NMRK1: variants seen among roughly 807,000 people sequenced by gnomAD.
NMRK1 encodes nicotinamide riboside kinase 1, also known as NRK 1.
NMRK1 carries 28 observed loss-of-function variants against 29.9 expected under a neutral mutation model. That is an observed-to-expected ratio of 0.94 (90% CI 0.69 to 1.28). NMRK1 has a LOEUF of 1.28. NMRK1 is among the 50% of genes most tolerant of loss of function. The pLI, the probability that NMRK1 is intolerant of heterozygous loss-of-function variation, is 0.00. For synonymous variants in NMRK1, 58 were observed against 73.0 expected, an observed-to-expected ratio of 0.79 and a Z score of 1.05; for missense variants, 218 against 233.1, an observed-to-expected ratio of 0.94 and a Z score of 0.42.
At chr9:75,069,169 G>C (rs1029144268) in intron 6 of NMRK1, 67 bp from the exon 7 acceptor site, 1 of 1,134,466 alleles carries the variant, frequency 8.8e-7, no homozygotes, top group East Asian at 2.4e-5. Flanking sequence ...AATATGAATG[G>C]TCAGGATAAT....
chr9:75,079,103 G>A (rs978183744), intron 2 of NMRK1, among the ~76,000 whole-genome samples: 8 of 152,122 alleles, frequency 5.3e-5, no homozygotes, highest in African/African-American at 1.9e-4. Flanking sequence ...TTATAATCTA[G>A]AAAAGGGAAA....
chr9:75,077,532 G>A lies in NMRK1; in HGVS notation c.78C>T (p.His26=), dbSNP rs754084978. 2.5e-6 allele frequency: 4 copies of A among 1,613,438 alleles called. No homozygotes were observed. Among genetic ancestry groups the A allele is most frequent in the Admixed American group, 1.7e-5 (1 of 59,992 alleles). ...GAGATATGACACTGCAATTTGGGAG[G>A]TGTTTCTGCAAATTCTTAGCCAGTG... The part of the protein sequence containing the change: ...KTTLAKNLQK[H]LPNCSVISQD... Residue 26 remains histidine (H), a synonymous_variant, in exon 3 of 9, where the codon CAC becomes CAT. Transcript: ENST00000361092.
At chr9:75,077,332 G>T (rs1238168645) in intron 3 of NMRK1, 125 bp from the exon 4 acceptor site, 1 of 845,928 alleles carries the variant, frequency 1.2e-6, no homozygotes, top group East Asian at 2.4e-5. Context: ...AGCACTGATA[G>T]ACAGTGCCAT....
chr9:75,085,441 G>T (rs958076923), intron 1 of NMRK1, among the ~76,000 whole-genome samples: 1 of 152,198 alleles, frequency 6.6e-6, no homozygotes, highest in Admixed American at 6.5e-5. Flanking sequence ...TAGCTTAATT[G>T]TCAGGCTCTG....
intron 4 of NMRK1, among the ~76,000 whole-genome samples, chr9:75,072,514 G>A (rs906639512): frequency 2.0e-5 from 3 of 152,120 alleles, no homozygotes; most frequent in Admixed American, 1.3e-4. Flanking sequence ...ATGATGTTTG[G>A]GATTTGCTTC....
At chr9:75,086,937 CG>C (rs1564145680) in intron 1 of NMRK1, among the ~76,000 whole-genome samples, 8 of 147,130 alleles carry the variant, frequency 5.4e-5, no homozygotes, top group African/African-American at 1.0e-4. Context: ...GACAGAGTCT[CG>C]CTCTGTTGCC....
chr9:75,084,250 G>C (rs1824488738), intron 1 of NMRK1, among the ~76,000 whole-genome samples: 1 of 152,190 alleles, frequency 6.6e-6, no homozygotes, highest in South Asian at 2.1e-4. Context: ...CAGGGACCTA[G>C]GCCGTGTAGC....
intron 1 of NMRK1, among the ~76,000 whole-genome samples, chr9:75,084,337 C>A (rs1824495507): frequency 6.6e-6 from 1 of 152,210 alleles, no homozygotes; most frequent in South Asian, 2.1e-4. Context: ...CCACACTCTC[C>A]CTGGGGAGGG....
chr9:75,071,863 C>CCTCACTCCACTGCACA lies in NMRK1; in HGVS notation c.170-1822_170-1821insTGTGCAGTGGAGTGAG, dbSNP rs547247821. Among the ~76,000 whole-genome samples, 208 of 152,264 alleles carry CCTCACTCCACTGCACA rather than the reference C, an allele frequency of 1.4e-3. 2 individuals are homozygous for CCTCACTCCACTGCACA. In the South Asian group the frequency reaches 0.023, roughly 17 times the overall value. Reference sequence around the variant, plus strand: ...CTGAGTAAGGAAGGTGAAGTGCCAACCTGCTCCACTGCACACTGCCTCTTT... The same window carrying CCTCACTCCACTGCACA: ...CTGAGTAAGGAAGGTGAAGTGCCAACCTCACTCCACTGCACACTGCTCCACTGCACACTGCCTCTTT... On this transcript the variant is annotated intron_variant, in intron 4 of 8. Transcript: ENST00000361092.
At chr9:75,082,003 G>A (rs150954886) in intron 2 of NMRK1, among the ~76,000 whole-genome samples, 155 of 152,222 alleles carry the variant, frequency 1.0e-3, no homozygotes, top group African/African-American at 3.7e-3. Context: ...AATTTTTCCC[G>A]CAGCCTGCTA....
intron 4 of NMRK1, among the ~76,000 whole-genome samples, chr9:75,074,145 C>T (rs1044131612): frequency 1.3e-5 from 2 of 151,908 alleles, no homozygotes; most frequent in Non-Finnish European, 2.9e-5. Context: ...GCAACCTCAG[C>T]CTCCCAGGTT....
chr9:75,069,106 T>C lies in NMRK1; in HGVS notation c.390-4A>G, dbSNP rs1283531350. The C allele has an allele frequency of 3.8e-6, 6 of 1,593,918 alleles. No individual in the cohort carries two copies. The East Asian group carries it at 1.1e-4, about 30-fold the overall frequency. ...TGGAGGCTGATAGACCCTTGTACTATCAAAACACGTAGGAAACTTTATGTT... is the reference window on the plus strand; with the variant it reads ...TGGAGGCTGATAGACCCTTGTACTACCAAAACACGTAGGAAACTTTATGTT... On this transcript the variant is annotated splice_region_variant and splice_polypyrimidine_tract_variant and intron_variant, in intron 6 of 8. Transcript: ENST00000361092.
At chr9:75,086,908 GTT>G (rs10652376) in intron 1 of NMRK1, among the ~76,000 whole-genome samples, 2 of 143,184 alleles carry the variant, frequency 1.4e-5, no homozygotes, top group Non-Finnish European at 3.0e-5. Flanking sequence ...TCAAGGCTGG[GTT>G]TTTTTTTTTT....
chr9:75,070,644 T>C (rs1464612132), intron 4 of NMRK1, among the ~76,000 whole-genome samples: 1 of 152,216 alleles, frequency 6.6e-6, no homozygotes, highest in Non-Finnish European at 1.5e-5. Flanking sequence ...CCAGTAGTAT[T>C]AGCATCACCT....
chr9:75,072,259 A>G (rs912715907), intron 4 of NMRK1, among the ~76,000 whole-genome samples: 2 of 152,110 alleles, frequency 1.3e-5, no homozygotes, highest in African/African-American at 4.8e-5. Flanking sequence ...TGGAATCTTT[A>G]GCCAGCATGC....
At chr9:75,065,496 G>A (rs1426695168) in intron 8 of NMRK1, among the ~76,000 whole-genome samples, 2 of 151,906 alleles carry the variant, frequency 1.3e-5, no homozygotes, top group African/African-American at 4.8e-5. Context: ...TTTAATTTTT[G>A]TAGAAATGGA....
intron 4 of NMRK1, among the ~76,000 whole-genome samples, chr9:75,074,653 G>C (rs1823891653): frequency 6.6e-6 from 1 of 152,160 alleles, no homozygotes; most frequent in Non-Finnish European, 1.5e-5. Context: ...CTCCCAAAGA[G>C]CTGGGCTTAC....
At chr9:75,063,852 G>A (rs530334639) in intron 8 of NMRK1, among the ~76,000 whole-genome samples, 7 of 152,168 alleles carry the variant, frequency 4.6e-5, no homozygotes, top group Non-Finnish European at 1.0e-4. Context: ...TAGGAAAGGT[G>A]ATAGGTTACT....
At position 75,066,845 on chromosome 9, in the gene NMRK1, G is replaced by A. The variant is rs920299163; in HGVS notation, c.497-5C>T. 1.9e-6 allele frequency: 3 copies of A among 1,557,416 alleles called. No homozygotes were observed. The highest frequency in any genetic ancestry group is 2.7e-5 in the African/African-American group (2 of 73,666). On this transcript the variant is annotated splice_region_variant and splice_polypyrimidine_tract_variant and intron_variant, in intron 7 of 8. Coordinates refer to ENST00000361092, the MANE Select transcript of NMRK1 (RefSeq NM_017881.3). ...ATTTTGTTCCATCCAGGTACACTAC[G>A]AAGGGGAAAAGAGAGCAGTTCAAAT...
Sources: allele counts gnomAD v4.1 joint callset (sites outside exome capture counted in the v4.1 genomes callset), GRCh38; gene constraint gnomAD v4.1.1; transcripts MANE v1.5; gene names NCBI Gene and HGNC (gene_info 2026-07-23, HGNC 2026-07-21).